The following KCNIP4 variants were observed in gnomAD, a reference collection of about 807,000 sequenced individuals.
The protein encoded by KCNIP4 is Kv channel-interacting protein 4.
A neutral mutation model predicts 34.0 loss-of-function variants in KCNIP4; 12 were observed. That is an observed-to-expected ratio of 0.35 (90% CI 0.23 to 0.57). The LOEUF is 0.57. Among genes scored for constraint, KCNIP4 ranks in the 20% least tolerant of loss-of-function variants. KCNIP4 has a pLI of 0.83. For synonymous variants in KCNIP4, 124 were observed against 102.2 expected (o/e 1.21, Z -1.29); for missense variants, 238 against 311.7 (o/e 0.76, Z 1.78).
intron 1 of KCNIP4, among the ~76,000 whole-genome samples, chr4:21,668,705 A>G (rs1470178610): frequency 6.6e-6 from 1 of 152,188 alleles, no homozygotes; most frequent in East Asian, 1.9e-4. Context: ...TCAAATATTT[A>G]ATTTTTTATC....
chr4:21,867,435 T>C (rs1158300747), intron 1 of KCNIP4, among the ~76,000 whole-genome samples: 2 of 152,206 alleles, frequency 1.3e-5, no homozygotes, highest in African/African-American at 4.8e-5. Context: ...TTGCAAATTC[T>C]CTACTACTAC....
chr4:20,935,538 T>C (rs1023546859), intron 1 of KCNIP4, among the ~76,000 whole-genome samples: 1 of 152,180 alleles, frequency 6.6e-6, no homozygotes, highest in Non-Finnish European at 1.5e-5. Context: ...GCCATTCTTA[T>C]TTCTGTCCAA....
At chr4:21,925,482 G>T (rs762441113) in intron 1 of KCNIP4, among the ~76,000 whole-genome samples, 1 of 151,958 alleles carries the variant, frequency 6.6e-6, no homozygotes, top group Non-Finnish European at 1.5e-5. Flanking sequence ...CCAGTCTATC[G>T]TTGTTGGACA....
intron 1 of KCNIP4, among the ~76,000 whole-genome samples, chr4:21,497,487 A>T (rs1732947614): frequency 6.6e-6 from 1 of 152,116 alleles, no homozygotes; most frequent in Non-Finnish European, 1.5e-5. Flanking sequence ...CTCATCCCTT[A>T]AGTCCTAGCT....
chr4:20,926,149 C>T (rs1729879197), intron 1 of KCNIP4, among the ~76,000 whole-genome samples: 1 of 152,220 alleles, frequency 6.6e-6, no homozygotes, highest in Non-Finnish European at 1.5e-5. Flanking sequence ...AATCCAGGTT[C>T]CCAAATGCCA....
At chr4:21,149,162 T>C (rs1752589811) in intron 1 of KCNIP4, among the ~76,000 whole-genome samples, 1 of 152,192 alleles carries the variant, frequency 6.6e-6, no homozygotes, top group Non-Finnish European at 1.5e-5. Context: ...TCAAAGACTT[T>C]GGCTGTGAAT....
At chr4:20,783,499 G>T (rs569601921) in intron 3 of KCNIP4, among the ~76,000 whole-genome samples, 1 of 152,288 alleles carries the variant, frequency 6.6e-6, no homozygotes, top group South Asian at 2.1e-4. Context: ...AGAAAATGAG[G>T]AAGATGCAAA....
chr4:21,410,990 G>A (rs1246534217), intron 1 of KCNIP4, among the ~76,000 whole-genome samples: 1 of 152,124 alleles, frequency 6.6e-6, no homozygotes, highest in East Asian at 1.9e-4. Flanking sequence ...AGGTAGAGGT[G>A]ACCTGGAGAA....
chr4:21,630,236 G>T (rs1323634235), intron 1 of KCNIP4, among the ~76,000 whole-genome samples: 3 of 151,728 alleles, frequency 2.0e-5, no homozygotes, highest in East Asian at 4.0e-4. Context: ...GGAGGCCAAG[G>T]TGGGTGGATC....
At chr4:21,537,422 C>A (rs1397916730) in intron 1 of KCNIP4, among the ~76,000 whole-genome samples, 2 of 152,216 alleles carry the variant, frequency 1.3e-5, no homozygotes, top group Admixed American at 1.3e-4. Context: ...CACATCAGCA[C>A]TACAATATTT....
At chr4:21,444,031 T>G (rs559646466) in intron 1 of KCNIP4, among the ~76,000 whole-genome samples, 2 of 151,988 alleles carry the variant, frequency 1.3e-5, no homozygotes, top group Non-Finnish European at 2.9e-5. Flanking sequence ...CTAGAAGAAA[T>G]GGATAAATTC....
chr4:21,369,040 C>A (rs1387129902), intron 1 of KCNIP4, among the ~76,000 whole-genome samples: 1 of 147,108 alleles, frequency 6.8e-6, no homozygotes, highest in Non-Finnish European at 1.5e-5. Context: ...GGATGCAGAG[C>A]AAAATCTTAC....
At chr4:21,707,929 A>C (rs1281305647) in intron 1 of KCNIP4, among the ~76,000 whole-genome samples, 1 of 70,492 alleles carries the variant, frequency 1.4e-5, no homozygotes, top group East Asian at 2.5e-4. Flanking sequence ...TGAAACACAC[A>C]CATACACACA....
intron 1 of KCNIP4, among the ~76,000 whole-genome samples, chr4:21,706,091 A>G (rs1713245382): frequency 6.6e-6 from 1 of 152,192 alleles, no homozygotes; most frequent in Non-Finnish European, 1.5e-5. Context: ...AGAGTATTAG[A>G]AAACAAAAAT....
chr4:21,549,421 A>C (rs1488203501), intron 1 of KCNIP4, among the ~76,000 whole-genome samples: 1 of 151,472 alleles, frequency 6.6e-6, no homozygotes, highest in East Asian at 1.9e-4. Flanking sequence ...GTGAATTCTC[A>C]CTCTATTACT....
intron 5 of KCNIP4, among the ~76,000 whole-genome samples, chr4:20,739,010 C>A (rs765522934): frequency 1.3e-5 from 2 of 152,170 alleles, no homozygotes; most frequent in Non-Finnish European, 2.9e-5. Flanking sequence ...AGTCCGAGAT[C>A]GAACTGCAAG....
chr4:21,835,437 T>C (rs993110313), intron 1 of KCNIP4, among the ~76,000 whole-genome samples: 2 of 152,124 alleles, frequency 1.3e-5, no homozygotes, highest in African/African-American at 4.8e-5. Context: ...AACTACTAAC[T>C]TCTAAAAAAA....
intron 1 of KCNIP4, among the ~76,000 whole-genome samples, chr4:21,697,119 T>C (rs976666127): frequency 6.6e-6 from 1 of 151,946 alleles, no homozygotes; most frequent in Non-Finnish European, 1.5e-5. Flanking sequence ...CCAAGAACAC[T>C]GCCTTGAAGA....
chr4:21,256,283 G>A (rs1761056124), intron 1 of KCNIP4, among the ~76,000 whole-genome samples: 1 of 152,122 alleles, frequency 6.6e-6, no homozygotes, highest in African/African-American at 2.4e-5. Context: ...AGCCAAAGGA[G>A]CTTTCTGAAC....
Sources: allele counts gnomAD v4.1 joint callset (sites outside exome capture counted in the v4.1 genomes callset), GRCh38; gene constraint gnomAD v4.1.1; transcripts MANE v1.5; gene names NCBI Gene and HGNC (gene_info 2026-07-23, HGNC 2026-07-21).